Variants in CSMD2 observed in about 807,000 individuals in gnomAD.
CSMD2 encodes the protein CUB and Sushi multiple domains 2.
In CSMD2, 130 loss-of-function variants were observed where a neutral mutation model predicts 398.5. That is an observed-to-expected ratio of 0.33 (90% confidence interval 0.28 to 0.38). The LOEUF (loss-of-function observed/expected upper bound fraction) is 0.38, where lower values mean the gene tolerates loss of function less well. Among genes scored for constraint, CSMD2 ranks in the 10% least tolerant of loss-of-function variants. CSMD2 has a pLI of 1.00. For missense variants in CSMD2, 3,829 were observed against 4,764.9 expected, an observed-to-expected ratio of 0.80 and a Z score of 5.78; for synonymous variants, 1,828 against 1,908.5, an observed-to-expected ratio of 0.96 and a Z score of 1.10.
At chr1:34,015,637 C>T (rs1331505416) in intron 3 of CSMD2, among the ~76,000 whole-genome samples, 2 of 152,154 alleles carry the variant, frequency 1.3e-5, no homozygotes, top group African/African-American at 2.4e-5. Context: ...ACAGGAGGGC[C>T]ACAGGCCTGG....
In CSMD2 at chr1:33,662,984, C is replaced by A. The variant is rs1416297670; in HGVS notation, c.4161G>T (p.Leu1387=). 1 of 1,614,166 alleles carries A rather than the reference C, an allele frequency of 6.2e-7. No individual in the cohort carries two copies. Among genetic ancestry groups the A allele is most frequent in the Admixed American group, 1.7e-5 (1 of 60,024 alleles). The change falls in exon 26 of 71, where the codon CTG becomes CTT. Residue 1387 remains leucine, a synonymous_variant. Transcript: ENST00000373381. ...TGAAGGTGCTATGCAGGTCCTTGGG[C>A]AGGGCCGGGCCACTCAGCTCCTTCA... ...VLLKELSGPA[L]PKDLHSTFNS...
chr1:33,652,680 A>G (rs892258559), intron 27 of CSMD2, among the ~76,000 whole-genome samples: 7 of 152,212 alleles, frequency 4.6e-5, no homozygotes, highest in African/African-American at 1.7e-4. Context: ...TTTCGAAAGT[A>G]CCAGATGCCA....
intron 41 of CSMD2, among the ~76,000 whole-genome samples, chr1:33,607,824 G>A (rs75866074): frequency 0.045 from 6,872 of 152,302 alleles, 176 homozygotes; most frequent in Non-Finnish European, 0.064. Context: ...ACATGCTTGT[G>A]GGAGGAGGGG....
Position 33,580,789 on chromosome 1 carries a change from C to A in CSMD2, c.7351G>T (p.Ala2451Ser), listed in dbSNP as rs760040789. 17 of 1,613,936 alleles carry A rather than the reference C, an allele frequency of 1.1e-5. No homozygotes were observed. The highest frequency in any genetic ancestry group is 1.4e-5 in the Non-Finnish European group (17 of 1,180,026). Residue 2451 changes from alanine (A) to serine (S), a missense_variant, in exon 48 of 71, where the codon GCC becomes TCC. Ala to Ser is a moderately conservative substitution (Grantham distance 99, BLOSUM62 1). This residue lies in a region of CSMD2 where 723 missense variants were observed against 758.6 expected (regional missense o/e 0.95). Transcript: ENST00000373381. ...SVYLRWSSDH[A>S]YNRKGFKIRY... ...ATCTTGAAGCCCTTCCGATTGTAGGCGTGATCAGATGACCAACGCAGGTAC... is the reference window on the plus strand; with the variant it reads ...ATCTTGAAGCCCTTCCGATTGTAGGAGTGATCAGATGACCAACGCAGGTAC...
intron 3 of CSMD2, among the ~76,000 whole-genome samples, chr1:34,022,340 G>T (rs1649013006): frequency 6.6e-6 from 1 of 152,112 alleles, no homozygotes; most frequent in Non-Finnish European, 1.5e-5. Flanking sequence ...CTATGATAAG[G>T]GGTCAGAGGA....
chr1:33,536,972 AC>A (rs758455724), intron 62 of CSMD2, 49 bp downstream of exon 62: 3 of 1,566,196 alleles, frequency 1.9e-6, no homozygotes, highest in Non-Finnish European at 1.8e-6. Context: ...GTTGACAGTG[AC>A]AAGAAGGGAT....
chr1:33,692,892 C>T, intron 25 of CSMD2, 38 bp downstream of exon 25: 1 of 1,603,602 alleles, frequency 6.2e-7, no homozygotes, highest in South Asian at 1.1e-5. Flanking sequence ...CTCCCCTGAA[C>T]AACTGGCGAT....
intron 1 of CSMD2, among the ~76,000 whole-genome samples, chr1:34,144,352 G>A (rs113012163): frequency 0.013 from 2,043 of 152,314 alleles, 38 homozygotes; most frequent in African/African-American, 0.046. Flanking sequence ...CCAAGTACCA[G>A]TGGCACACAT....
chr1:33,889,885 C>A (rs572004738), intron 5 of CSMD2, among the ~76,000 whole-genome samples: 1 of 151,566 alleles, frequency 6.6e-6, no homozygotes, highest in African/African-American at 2.4e-5. Context: ...AACACATAGA[C>A]GACTTTAACG....
At chr1:33,730,479 G>A (rs768764027) in intron 15 of CSMD2, among the ~76,000 whole-genome samples, 1 of 152,040 alleles carries the variant, frequency 6.6e-6, no homozygotes, top group Non-Finnish European at 1.5e-5. Context: ...GCAATTTCTA[G>A]AAACTCAGAA....
chr1:33,607,846 G>A (rs538793432), intron 41 of CSMD2, among the ~76,000 whole-genome samples: 11 of 152,338 alleles, frequency 7.2e-5, no homozygotes, highest in African/African-American at 2.4e-4. Flanking sequence ...CCCATTATAG[G>A]GTGGAAGCCC....
chr1:33,749,379 G>A (rs1000355088), intron 13 of CSMD2, among the ~76,000 whole-genome samples: 8 of 152,080 alleles, frequency 5.3e-5, no homozygotes, highest in African/African-American at 9.7e-5. Flanking sequence ...GATTACAGGC[G>A]TGAGCCACTG....
At chr1:33,672,081 G>A (rs1218161626) in intron 25 of CSMD2, among the ~76,000 whole-genome samples, 3 of 152,170 alleles carry the variant, frequency 2.0e-5, no homozygotes, top group African/African-American at 7.2e-5. Context: ...GGTGATTTCT[G>A]CATTTCCAAC....
At position 33,636,427 on chromosome 1, in the gene CSMD2, C is replaced by G; in HGVS notation, c.4902G>C (p.Ser1634=). 1 of 1,614,088 alleles carries G rather than the reference C, an allele frequency of 6.2e-7. No individual in the cohort carries two copies. The highest frequency in any genetic ancestry group is 8.5e-7 in the Non-Finnish European group (1 of 1,179,986). The change falls in exon 30 of 71, where the codon TCG becomes TCC. Residue 1634 remains serine, a synonymous_variant. Coordinates refer to ENST00000373381, the MANE Select transcript of CSMD2 (RefSeq NM_001281956.2). This position sits in a 1 kb window ranked among gnomAD's most constrained non-coding sequence, Gnocchi z 4.8. The part of the protein sequence containing the change: ...CHGGYEVEGT[S]TLSCILGPDG... ...CAGGCCCCAGGATGCAGCTCAGGGTCGAGGTGCCCTCAACTTCGTAGCCCC... is the reference window on the plus strand; with the variant it reads ...CAGGCCCCAGGATGCAGCTCAGGGTGGAGGTGCCCTCAACTTCGTAGCCCC...
chr1:33,812,472 TG>T (rs2124968088), intron 9 of CSMD2, among the ~76,000 whole-genome samples: 1 of 152,370 alleles, frequency 6.6e-6, no homozygotes, highest in South Asian at 2.1e-4. Flanking sequence ...CATTCCCCCA[TG>T]TATATCTGAT....
intron 48 of CSMD2, among the ~76,000 whole-genome samples, chr1:33,580,327 T>G (rs1438413722): frequency 2.0e-5 from 3 of 152,240 alleles, no homozygotes. Flanking sequence ...CCTTTTGATC[T>G]GACTCTGTTT....
At chr1:33,994,353 CT>C (rs1211096310) in intron 3 of CSMD2, among the ~76,000 whole-genome samples, 1 of 148,688 alleles carries the variant, frequency 6.7e-6, no homozygotes, top group Non-Finnish European at 1.5e-5. Context: ...TGTCTTCCCC[CT>C]GATGAGTCCC....
At chr1:33,659,269 T>C (rs1644049833) in intron 26 of CSMD2, among the ~76,000 whole-genome samples, 1 of 152,138 alleles carries the variant, frequency 6.6e-6, no homozygotes, top group Non-Finnish European at 1.5e-5. Flanking sequence ...AATGAACAAA[T>C]GTGGCATGAG....
chr1:34,016,663 G>T (rs1209213491), intron 3 of CSMD2, among the ~76,000 whole-genome samples: 2 of 152,124 alleles, frequency 1.3e-5, no homozygotes, highest in Non-Finnish European at 2.9e-5. Context: ...GTTTATTGCA[G>T]CACTATTTAC....
Sources: allele counts gnomAD v4.1 joint callset (sites outside exome capture counted in the v4.1 genomes callset), GRCh38; gene constraint gnomAD v4.1.1; regional missense constraint gnomAD v4.1.1; non-coding constraint Gnocchi (gnomAD v3.1); transcripts MANE v1.5; gene names NCBI Gene and HGNC (gene_info 2026-07-23, HGNC 2026-07-21).